Variants in SLC2A13 observed in about 807,000 individuals in gnomAD.
SLC2A13 encodes proton myo-inositol cotransporter.
A neutral mutation model predicts 64.4 loss-of-function variants in SLC2A13; 32 were observed. The observed-to-expected ratio is 0.50, with a 90% CI of 0.37 to 0.67. SLC2A13 has a LOEUF of 0.67. Among genes scored for constraint, SLC2A13 ranks in the 30% least tolerant of loss-of-function variants. SLC2A13 has a pLI of 0.00. For missense variants in SLC2A13, 743 were observed against 829.2 expected (o/e 0.90, Z 1.28); for synonymous variants, 338 against 327.1 (o/e 1.03, Z -0.36).
chr12:39,764,965 G>A, intron 7 of SLC2A13, 107 bp from the exon 8 acceptor site: 2 of 1,258,764 alleles, frequency 1.6e-6, no homozygotes, highest in Middle Eastern at 2.8e-4. Flanking sequence ...TGTCTTAAGA[G>A]TCCAAAATGT....
In SLC2A13 at chr12:39,758,044, A is replaced by G. The variant is rs1209852797; in HGVS notation, c.*1982T>C. 1 of 151,726 alleles carries G rather than the reference A, an allele frequency of 6.6e-6. No individual in the cohort carries two copies. Among genetic ancestry groups the G allele is most frequent in the Non-Finnish European group, 1.5e-5 (1 of 67,704 alleles). The allele number at this position is 151,726 out of a possible 1,614,324, so 9.4% of individuals were successfully genotyped here. Reference sequence around the variant, plus strand: ...TATTAGATAAGAAATTTCTTATGAGATAAGAAATATCAATAGAATAATAAT... The same window carrying G: ...TATTAGATAAGAAATTTCTTATGAGGTAAGAAATATCAATAGAATAATAAT... On this transcript the variant is annotated 3_prime_UTR_variant, in exon 10 of 10. Coordinates refer to ENST00000280871, the MANE Select transcript of SLC2A13 (RefSeq NM_052885.4).
intron 3 of SLC2A13, among the ~76,000 whole-genome samples, chr12:39,975,203 A>T (rs1946739069): frequency 6.6e-6 from 1 of 152,194 alleles, no homozygotes; most frequent in Non-Finnish European, 1.5e-5. Context: ...ATGTATACTT[A>T]CTTTCTGTTA....
intron 3 of SLC2A13, among the ~76,000 whole-genome samples, chr12:40,011,564 C>A (rs1350054113): frequency 6.6e-6 from 1 of 152,126 alleles, no homozygotes; most frequent in African/African-American, 2.4e-5. Flanking sequence ...TGATCCTTAA[C>A]ATCATAAACA....
At chr12:39,818,103 G>A (rs1425994258) in intron 7 of SLC2A13, among the ~76,000 whole-genome samples, 1 of 152,062 alleles carries the variant, frequency 6.6e-6, no homozygotes, top group Non-Finnish European at 1.5e-5. Flanking sequence ...AGCCCCCTTG[G>A]GCCACTCCTC....
At chr12:39,888,418 T>G (rs759928366) in intron 4 of SLC2A13, among the ~76,000 whole-genome samples, 2 of 152,100 alleles carry the variant, frequency 1.3e-5, no homozygotes, top group Non-Finnish European at 2.9e-5. Context: ...AGAGACAAGG[T>G]TTCACCATAT....
intron 4 of SLC2A13, among the ~76,000 whole-genome samples, chr12:39,899,232 T>G (rs1945016145): frequency 6.6e-6 from 1 of 152,174 alleles, no homozygotes; most frequent in Admixed American, 6.5e-5. Context: ...GTCGAGGAAT[T>G]TATCCATTTC....
intron 4 of SLC2A13, chr12:39,950,160 T>C (rs1946202852): frequency 6.6e-6 from 1 of 152,206 alleles, no homozygotes; most frequent in Non-Finnish European, 1.5e-5. Flanking sequence ...ACTGGCTCAT[T>C]GGGTCCTAAT....
chr12:40,084,873 C>G (rs566530114), intron 1 of SLC2A13, among the ~76,000 whole-genome samples: 1 of 152,250 alleles, frequency 6.6e-6, no homozygotes, highest in South Asian at 2.1e-4. Flanking sequence ...TGACTGGTAG[C>G]CCCTAGGCAG....
At chr12:39,914,168 T>C (rs1945480409) in intron 4 of SLC2A13, among the ~76,000 whole-genome samples, 1 of 151,996 alleles carries the variant, frequency 6.6e-6, no homozygotes, top group Admixed American at 6.6e-5. Context: ...GTTCTGCATG[T>C]CCGAGGCTGT....
At chr12:40,077,233 A>G (rs1480674522) in intron 1 of SLC2A13, among the ~76,000 whole-genome samples, 1 of 152,070 alleles carries the variant, frequency 6.6e-6, no homozygotes, top group Non-Finnish European at 1.5e-5. Flanking sequence ...GCCATGGCCT[A>G]TATCTAGAAT....
chr12:39,896,538 ATGTATGTG>A lies in SLC2A13; in HGVS notation c.1035-24585_1035-24578del, dbSNP rs770845065. ...TGTGTATACATGTATACATGTATGT[ATGTATGTG>A]TGTATACATGTATACATATATGTAT... is the stretch of plus-strand genomic sequence containing the variant. On this transcript the variant is annotated intron_variant, in intron 4 of 9. Transcript: ENST00000280871. Among the ~76,000 whole-genome samples the A allele has an allele frequency of 7.9e-3, 1,144 of 145,538 alleles. 44 individuals are homozygous for A. Among genetic ancestry groups the A allele is most frequent in the African/African-American group, 0.027 (1,078 of 39,212 alleles).
At position 39,849,182 on chromosome 12, in the gene SLC2A13, A is replaced by T. The variant is rs187923409; in HGVS notation, c.1319+15580T>A. On this transcript the variant is annotated intron_variant, in intron 6 of 9. Coordinates refer to ENST00000280871, the MANE Select transcript of SLC2A13 (RefSeq NM_052885.4). The stretch of plus-strand genomic sequence containing the variant: ...CCACAAAACCTAAAATAAAGATTTA[A>T]AAAAAAATTCAAAAAAAGAAAAACA... Among the ~76,000 whole-genome samples the T allele has an allele frequency of 2.5e-3, 380 of 152,208 alleles. 4 individuals carry two copies. Among genetic ancestry groups the T allele is most frequent in the African/African-American group, 7.7e-3 (319 of 41,554 alleles).
chr12:40,024,929 G>A (rs1208238998), intron 3 of SLC2A13, among the ~76,000 whole-genome samples: 2 of 152,200 alleles, frequency 1.3e-5, no homozygotes. Flanking sequence ...GACACAGCCA[G>A]TGATATTCTT....
chr12:40,047,871 C>T (rs1375690115), intron 2 of SLC2A13, among the ~76,000 whole-genome samples, 180 bp downstream of exon 2: 1 of 152,176 alleles, frequency 6.6e-6, no homozygotes, highest in Admixed American at 6.5e-5. Context: ...GGTTCCTTGT[C>T]TATCATCAAA....
In SLC2A13 at chr12:40,105,683, C is replaced by T. The variant is rs1382993731; in HGVS notation, c.126G>A (p.Leu42=). 3 of 1,491,648 alleles carry T rather than the reference C, an allele frequency of 2.0e-6. No individual in the cohort carries two copies. The highest frequency in any genetic ancestry group is 2.7e-6 in the Non-Finnish European group (3 of 1,122,764). The allele number at this position is 1,491,648 out of a possible 1,614,324, so 92.4% of individuals were successfully genotyped here. A position where few individuals can be genotyped will look rare whatever the true frequency, so the allele number is the denominator to read the frequency against. ...GGCTGGTGCTCGATTCGGCGGCAGCCAGGAGGCTGCACTCCCCGGCCGCGC... is the reference window on the plus strand; with the variant it reads ...GGCTGGTGCTCGATTCGGCGGCAGCTAGGAGGCTGCACTCCCCGGCCGCGC... The part of the protein sequence containing the change: ...AASAAGECSL[L]AAAESSTSLQ... Residue 42 remains leucine, a synonymous_variant, in exon 1 of 10, where the codon CTG becomes CTA. Coordinates refer to ENST00000280871, the MANE Select transcript of SLC2A13 (RefSeq NM_052885.4). The surrounding 1 kb of genome is among the most constrained non-coding windows in gnomAD (Gnocchi z 4.2).
intron 2 of SLC2A13, among the ~76,000 whole-genome samples, chr12:40,046,257 A>G (rs80170775): frequency 2.8e-3 from 423 of 152,292 alleles, no homozygotes; most frequent in African/African-American, 9.8e-3. Flanking sequence ...TCTGTCTATG[A>G]TGTCTCCTTG....
At chr12:40,072,569 G>C (rs1356117200) in intron 1 of SLC2A13, among the ~76,000 whole-genome samples, 1 of 152,090 alleles carries the variant, frequency 6.6e-6, no homozygotes, top group African/African-American at 2.4e-5. Context: ...TGGTCACTCT[G>C]TTATTAGGCA....
intron 9 of SLC2A13, 88 bp from the exon 10 acceptor site, chr12:39,760,340 C>CTGG: frequency 8.1e-7 from 1 of 1,241,838 alleles, no homozygotes; most frequent in Admixed American, 2.3e-5. Context: ...CTTTTTTTTT[C>CTGG]TGGTCAGTCA....
chr12:39,882,279 C>T (rs1944357993), intron 4 of SLC2A13, among the ~76,000 whole-genome samples: 1 of 152,172 alleles, frequency 6.6e-6, no homozygotes, highest in Admixed American at 6.5e-5. Context: ...ATTTCTGATT[C>T]AGTAGGTCTA....
Sources: gnomAD v4.1 joint callset for allele counts (sites outside exome capture counted in the v4.1 genomes callset) on GRCh38, gnomAD v4.1.1 for gene constraint, Gnocchi (gnomAD v3.1) non-coding constraint, MANE v1.5 for transcripts, NCBI Gene and HGNC (gene_info 2026-07-23, HGNC 2026-07-21) for gene names.